KMT2C: variants seen among roughly 807,000 people sequenced by gnomAD.
The protein encoded by KMT2C is histone-lysine N-methyltransferase 2C.
KMT2C carries 88 observed loss-of-function variants against 507.9 expected under a neutral mutation model. The ratio of observed to expected loss-of-function variants is 0.17; its 90% confidence interval spans 0.15 to 0.21. The LOEUF is 0.21. Among genes scored for constraint, KMT2C ranks in the 10% least tolerant of loss-of-function variants. The pLI, the probability that KMT2C is intolerant of heterozygous loss-of-function variation, is 1.00. For missense variants in KMT2C, 4,954 were observed against 5,957.8 expected (o/e 0.83, Z 5.55); for synonymous variants, 2,049 against 2,080.8 (o/e 0.98, Z 0.42).
chr7:152,389,235 G>C (rs1348486353), intron 1 of KMT2C, among the ~76,000 whole-genome samples: 1 of 151,344 alleles, frequency 6.6e-6, no homozygotes, highest in Non-Finnish European at 1.5e-5. Flanking sequence ...CTCAATTCTG[G>C]AGACTGGAAG....
intron 44 of KMT2C, among the ~76,000 whole-genome samples, chr7:152,157,306 T>G (rs1300462177): frequency 6.9e-6 from 1 of 145,182 alleles, no homozygotes; most frequent in Non-Finnish European, 1.5e-5. Flanking sequence ...CTGGCCTGGG[T>G]GACAGAGCGA....
chr7:152,318,078 C>G (rs1444716056), intron 3 of KMT2C, among the ~76,000 whole-genome samples: 1 of 151,944 alleles, frequency 6.6e-6, no homozygotes, highest in Non-Finnish European at 1.5e-5. Flanking sequence ...GCGGAGGTTG[C>G]AATGAACTGA....
chr7:152,326,440 T>C (rs192941985), intron 3 of KMT2C, among the ~76,000 whole-genome samples: 1 of 152,118 alleles, frequency 6.6e-6, no homozygotes, highest in Non-Finnish European at 1.5e-5. Flanking sequence ...TTGGAAAATA[T>C]TCTAAAAAAT....
At chr7:152,249,673 C>CA (rs1183345172) in intron 13 of KMT2C, among the ~76,000 whole-genome samples, 6,906 of 34,304 alleles carry the variant, frequency 0.2, 903 homozygotes, top group Non-Finnish European at 0.33. Flanking sequence ...CTCCCCCCTC[C>CA]AAAAAAAAAA....
intron 14 of KMT2C, among the ~76,000 whole-genome samples, chr7:152,247,671 T>C (rs1272047401): frequency 6.6e-6 from 1 of 152,304 alleles, no homozygotes. Context: ...GTTGCATCTT[T>C]ATGGCCCAAC....
chr7:152,261,753 AAATAAAAAGGC>A (rs532492528), intron 9 of KMT2C, among the ~76,000 whole-genome samples: 323 of 152,338 alleles, frequency 2.1e-3, no homozygotes, highest in African/African-American at 7.5e-3. Context: ...TTCATATTAA[AAATAAAAAGGC>A]AAGTAGAGGA....
chr7:152,188,009 T>C (rs911143480), intron 31 of KMT2C, among the ~76,000 whole-genome samples, 162 bp from the exon 32 acceptor site: 8 of 152,152 alleles, frequency 5.3e-5, no homozygotes, highest in Admixed American at 5.2e-4. Flanking sequence ...AACCCATGCA[T>C]AGAGAGGACC....
chr7:152,154,488 C>T, intron 46 of KMT2C, 43 bp from the exon 47 acceptor site: 1 of 1,574,688 alleles, frequency 6.4e-7, no homozygotes, highest in South Asian at 1.1e-5. Flanking sequence ...GCAAATCCAC[C>T]ACTGGGGGCT....
intron 16 of KMT2C, among the ~76,000 whole-genome samples, chr7:152,231,055 G>A (rs2095093109): frequency 6.6e-6 from 1 of 152,284 alleles, no homozygotes; most frequent in South Asian, 2.1e-4. Flanking sequence ...GACCGCAAAT[G>A]ATCCACTGCA....
chr7:152,282,325 A>T (rs2096232076), intron 6 of KMT2C, among the ~76,000 whole-genome samples: 1 of 151,910 alleles, frequency 6.6e-6, no homozygotes, highest in African/African-American at 2.4e-5. Context: ...GAAAGAAAAG[A>T]AAGTAGCCAC....
chr7:152,343,231 G>A (rs1170644030), intron 2 of KMT2C, among the ~76,000 whole-genome samples: 1 of 152,164 alleles, frequency 6.6e-6, no homozygotes, highest in Non-Finnish European at 1.5e-5. Context: ...GGTTCTAATG[G>A]ATAAAGTAGA....
At chr7:152,283,626 C>T (rs902974091) in intron 6 of KMT2C, among the ~76,000 whole-genome samples, 25 of 152,132 alleles carry the variant, frequency 1.6e-4, no homozygotes, top group African/African-American at 6.0e-4. Context: ...AAATCTAGTA[C>T]ATATACCCCC....
chr7:152,184,333 G>C (rs1273190083), intron 34 of KMT2C, among the ~76,000 whole-genome samples: 1 of 151,796 alleles, frequency 6.6e-6, no homozygotes, highest in African/African-American at 2.4e-5. Flanking sequence ...GGAACAAGCT[G>C]GAAAATAACT....
intron 49 of KMT2C, among the ~76,000 whole-genome samples, chr7:152,151,972 T>C (rs900678836): frequency 1.3e-5 from 2 of 152,156 alleles, no homozygotes; most frequent in African/African-American, 2.4e-5. Context: ...ATAAGAGTCT[T>C]AAATAAGTGT....
chr7:152,162,611 C>T lies in KMT2C; in HGVS notation c.10966G>A (p.Ala3656Thr). 6.2e-7 allele frequency: 1 copy of T among 1,614,172 alleles called. No homozygotes were observed. Among genetic ancestry groups the T allele is most frequent in the Non-Finnish European group, 8.5e-7 (1 of 1,180,036 alleles). Residue 3656 changes from alanine (A) to threonine (T), a missense_variant, in exon 43 of 59, where the codon GCC becomes ACC. Around this residue, in one of 29 missense-constraint regions of KMT2C, gnomAD observed 801 missense variants for 751.2 expected, o/e 1.07. Transcript: ENST00000262189. ...ACTGGTTCCACCGACTCTTGGTCGGCTTGTTGAGGAAGCTCACTGGGTGTG... is the reference window on the plus strand; with the variant it reads ...ACTGGTTCCACCGACTCTTGGTCGGTTTGTTGAGGAAGCTCACTGGGTGTG... ...VSTPSELPQQ[A>T]DQESVEPVGP...
At chr7:152,396,937 G>A (rs930958903) in intron 1 of KMT2C, among the ~76,000 whole-genome samples, 2 of 152,134 alleles carry the variant, frequency 1.3e-5, no homozygotes, top group African/African-American at 4.8e-5. Context: ...AAATACACAA[G>A]TACAAGGATA....
At chr7:152,250,092 T>C (rs1329659106) in intron 12 of KMT2C, 139 bp from the exon 13 acceptor site, 10 of 536,976 alleles carry the variant, frequency 1.9e-5, no homozygotes, top group African/African-American at 1.2e-4. Context: ...TACCACTTAT[T>C]AGTAAGTTAT....
rs547322706 is a variant in KMT2C, at chr7:152,302,143, T to C, written c.849+7823A>G. 1.4e-3 allele frequency among the ~76,000 whole-genome samples: 206 copies of C among 152,276 alleles called. 2 individuals carry two copies. The highest frequency in any genetic ancestry group is 0.01 in the Middle Eastern group (3 of 294). On this transcript the variant is annotated intron_variant, in intron 6 of 58. Transcript: ENST00000262189. ...ATACAATGAAATTTCAATATAGAAT[T>C]ACAGCAGGGGATGAGGGTGGAGAAG...
chr7:152,260,611 T>C (rs1304998112), intron 9 of KMT2C, among the ~76,000 whole-genome samples: 3 of 152,108 alleles, frequency 2.0e-5, no homozygotes, highest in Non-Finnish European at 4.4e-5. Flanking sequence ...CAGCATAAAC[T>C]GAAAAAACTG....
Sources: allele counts gnomAD v4.1 joint callset (sites outside exome capture counted in the v4.1 genomes callset), GRCh38; gene constraint gnomAD v4.1.1; regional missense constraint gnomAD v4.1.1; transcripts MANE v1.5; gene names NCBI Gene and HGNC (gene_info 2026-07-23, HGNC 2026-07-21).